The following WDPCP variants were observed in gnomAD, a reference collection of about 807,000 sequenced individuals.
WDPCP encodes WD repeat containing planar cell polarity effector.
In WDPCP, 71 loss-of-function variants were observed where a neutral mutation model predicts 93.1. The ratio of observed to expected loss-of-function variants is 0.76; its 90% CI spans 0.63 to 0.93. WDPCP has a LOEUF of 0.93. Ranked by LOEUF, WDPCP falls within the 40% of genes least tolerant of loss-of-function variation. The probability of loss-of-function intolerance (pLI) is 0.00; values close to 1 mark genes in which losing one functional copy is unlikely to be tolerated. For missense variants in WDPCP, 844 were observed against 887.4 expected, an observed-to-expected ratio of 0.95 and a Z score of 0.62; for synonymous variants, 315 against 315.0, an observed-to-expected ratio of 1.00 and a Z score of 0.00.
At chr2:63,329,000 C>T (rs548422046) in intron 12 of WDPCP, among the ~76,000 whole-genome samples, 3 of 152,124 alleles carry the variant, frequency 2.0e-5, no homozygotes, top group Admixed American at 1.3e-4. Flanking sequence ...GTGCTACAGG[C>T]GTGAGCCACC....
intron 2 of WDPCP, among the ~76,000 whole-genome samples, chr2:63,798,471 GT>G (rs1670646144): frequency 6.6e-6 from 1 of 152,166 alleles, no homozygotes; most frequent in African/African-American, 2.4e-5. Flanking sequence ...TTGTTTGTTG[GT>G]TTGCTTATGC....
At chr2:63,314,697 C>T (rs1213453598) in intron 12 of WDPCP, among the ~76,000 whole-genome samples, 1 of 152,058 alleles carries the variant, frequency 6.6e-6, no homozygotes, top group Non-Finnish European at 1.5e-5. Flanking sequence ...TATTTCTACC[C>T]ACTGTCTCCA....
At chr2:63,144,707 T>G (rs1311865007) in intron 17 of WDPCP, among the ~76,000 whole-genome samples, 1 of 152,248 alleles carries the variant, frequency 6.6e-6, no homozygotes, top group Non-Finnish European at 1.5e-5. Context: ...CTTTCTCTAG[T>G]CCATCCCTCT....
chr2:63,321,055 G>A (rs1687042488), intron 12 of WDPCP, among the ~76,000 whole-genome samples: 1 of 151,924 alleles, frequency 6.6e-6, no homozygotes, highest in African/African-American at 2.4e-5. Flanking sequence ...CAGTATTAAA[G>A]GAGGGACATT....
In WDPCP at chr2:63,306,356, T is replaced by C. The variant is rs1308441195; in HGVS notation, c.1812+6892A>G. ...TTCCTTCTGAAACTATTCCAAACAA[T>C]AGAAAAAGAGGGACTCCTCCCTAAC... is the stretch of plus-strand genomic sequence containing the variant. On this transcript the variant is annotated intron_variant, in intron 13 of 17. Transcript: ENST00000272321. 2.6e-5 allele frequency among the ~76,000 whole-genome samples: 4 copies of C among 151,960 alleles called. No homozygotes were observed. In the East Asian group the frequency reaches 5.8e-4, roughly 22 times the overall value.
At chr2:63,259,875 A>G (rs1234179005) in intron 13 of WDPCP, among the ~76,000 whole-genome samples, 2 of 152,188 alleles carry the variant, frequency 1.3e-5, no homozygotes, top group Non-Finnish European at 2.9e-5. Flanking sequence ...AGTACTGACT[A>G]ATTGCTGGGC....
chr2:63,506,204 CT>C (rs1003197084), intron 1 of WDPCP, among the ~76,000 whole-genome samples: 2 of 152,052 alleles, frequency 1.3e-5, no homozygotes, highest in African/African-American at 4.8e-5. Flanking sequence ...TATAGTGTTG[CT>C]TTTTTTCATC....
chr2:63,802,833 C>T (rs1320798253), intron 2 of WDPCP, among the ~76,000 whole-genome samples: 1 of 152,150 alleles, frequency 6.6e-6, no homozygotes, highest in Non-Finnish European at 1.5e-5. Flanking sequence ...TTCTTTAGGA[C>T]ATTTTAAACT....
chr2:63,624,203 A>G (rs1709781367), intron 3 of WDPCP, among the ~76,000 whole-genome samples: 1 of 152,248 alleles, frequency 6.6e-6, no homozygotes, highest in Admixed American at 6.5e-5. Flanking sequence ...AGGGAAATTT[A>G]TAGCACTAAA....
intron 1 of WDPCP, among the ~76,000 whole-genome samples, chr2:63,814,211 T>C (rs767574220): frequency 1.3e-5 from 2 of 152,144 alleles, no homozygotes; most frequent in Non-Finnish European, 2.9e-5. Flanking sequence ...TCCCTCTAAT[T>C]ACAGAGATCA....
intron 1 of WDPCP, among the ~76,000 whole-genome samples, chr2:63,544,636 T>C (rs1264895975): frequency 2.0e-5 from 3 of 152,124 alleles, no homozygotes; most frequent in Non-Finnish European, 4.4e-5. Context: ...TTCTCTCTAC[T>C]CCTTTGGCTT....
At chr2:63,222,426 A>G (rs17348176) in intron 14 of WDPCP, among the ~76,000 whole-genome samples, 14,538 of 152,270 alleles carry the variant, frequency 0.095, 1,004 homozygotes, top group Non-Finnish European at 0.14. Context: ...ATGTGGGAGC[A>G]AGGGCCTCTG....
intron 9 of WDPCP, among the ~76,000 whole-genome samples, chr2:63,424,687 C>T (rs1696132615): frequency 6.6e-6 from 1 of 152,196 alleles, no homozygotes; most frequent in East Asian, 1.9e-4. Context: ...GGGGGAAGAG[C>T]TCCCACTTTC....
intron 1 of WDPCP, among the ~76,000 whole-genome samples, chr2:63,522,489 C>T (rs1703014815): frequency 6.6e-6 from 1 of 151,296 alleles, no homozygotes; most frequent in Admixed American, 6.6e-5. Flanking sequence ...CACACACACA[C>T]ACACACAAAC....
chr2:63,316,220 A>C (rs964997951), intron 12 of WDPCP, among the ~76,000 whole-genome samples: 6 of 152,336 alleles, frequency 3.9e-5, no homozygotes, highest in African/African-American at 1.4e-4. Flanking sequence ...ATATGACTAC[A>C]CAGGGAATTA....
intron 14 of WDPCP, among the ~76,000 whole-genome samples, chr2:63,214,106 T>G (rs1009188996): frequency 2.6e-5 from 4 of 152,066 alleles, no homozygotes; most frequent in Admixed American, 6.6e-5. Flanking sequence ...GAGGAAATCC[T>G]CCCTAACTGA....
intron 2 of WDPCP, among the ~76,000 whole-genome samples, chr2:63,704,419 T>A (rs1431451304): frequency 6.6e-6 from 1 of 152,240 alleles, no homozygotes; most frequent in African/African-American, 2.4e-5. Flanking sequence ...CCATTCAGTA[T>A]GATATTGGCT....
intron 12 of WDPCP, among the ~76,000 whole-genome samples, chr2:63,356,367 C>T (rs1004170778): frequency 3.9e-5 from 6 of 152,172 alleles, no homozygotes; most frequent in Non-Finnish European, 8.8e-5. Flanking sequence ...TTAGACAGAT[C>T]ATCAAGGCAG....
intron 1 of WDPCP, among the ~76,000 whole-genome samples, chr2:63,547,338 T>G (rs757795169): frequency 6.6e-6 from 1 of 152,178 alleles, no homozygotes; most frequent in African/African-American, 2.4e-5. Flanking sequence ...ACAGCCATTA[T>G]GGAAAACAGT....
Sources: gnomAD v4.1 joint callset for allele counts (sites outside exome capture counted in the v4.1 genomes callset) on GRCh38, gnomAD v4.1.1 for gene constraint, MANE v1.5 for transcripts, NCBI Gene and HGNC (gene_info 2026-07-23, HGNC 2026-07-21) for gene names.